The following NTM variants were observed in gnomAD, a reference collection of about 807,000 sequenced individuals.
NTM encodes the protein neurotrimin, also known as IgLON family member 2.
Under a neutral mutation model 42.1 loss-of-function variants are expected in NTM, and 13 were observed. The observed-to-expected ratio is 0.31, with a 90% CI of 0.20 to 0.49. The LOEUF is 0.49. NTM is among the 20% of genes least tolerant of loss of function. The pLI is 0.99. For missense variants in NTM, 373 were observed against 452.8 expected, an observed-to-expected ratio of 0.82 and a Z score of 1.60; for synonymous variants, 187 against 179.2, an observed-to-expected ratio of 1.04 and a Z score of -0.35.
intron 1 of NTM, among the ~76,000 whole-genome samples, chr11:131,599,893 G>A (rs1036860756): frequency 1.3e-5 from 2 of 152,208 alleles, no homozygotes; most frequent in Admixed American, 6.5e-5. Context: ...CTGCCTCCCT[G>A]GGCAGAGTTA....
chr11:132,150,747 A>G (rs970266860), intron 3 of NTM, among the ~76,000 whole-genome samples: 7 of 152,110 alleles, frequency 4.6e-5, no homozygotes, highest in Non-Finnish European at 8.8e-5. Flanking sequence ...GCAGAGTTCG[A>G]GGGTTGGTTA....
chr11:132,223,235 C>T (rs564463025), intron 4 of NTM, among the ~76,000 whole-genome samples: 61 of 152,308 alleles, frequency 4.0e-4, no homozygotes, highest in African/African-American at 1.4e-3. Context: ...AAGCCCTGGC[C>T]TCTCAGAACT....
At position 132,003,860 on chromosome 11, in the gene NTM, G is replaced by A. The variant is rs529147557; in HGVS notation, c.167+92212G>A. Among the ~76,000 whole-genome samples, 1 of 152,180 alleles carries A rather than the reference G, an allele frequency of 6.6e-6. No homozygotes were observed. Reference sequence around the variant, plus strand: ...AATTGATTTCTCACCTAGCCACACAGATTATCTAAAAGGTCAAGATTCTCA... The same window carrying A: ...AATTGATTTCTCACCTAGCCACACAAATTATCTAAAAGGTCAAGATTCTCA... On this transcript the variant is annotated intron_variant, in intron 2 of 8. Coordinates refer to ENST00000683400, the MANE Select transcript of NTM (RefSeq NM_001352005.2). The surrounding 1 kb of genome is among the most constrained non-coding windows in gnomAD (Gnocchi z 6.0).
chr11:132,131,190 C>G (rs894200612), intron 2 of NTM, among the ~76,000 whole-genome samples: 2 of 152,172 alleles, frequency 1.3e-5, no homozygotes, highest in African/African-American at 4.8e-5. Flanking sequence ...GCTATAGATG[C>G]ACGCGTGTTA....
chr11:131,499,681 T>A (rs1240826537), intron 1 of NTM, among the ~76,000 whole-genome samples: 1 of 152,056 alleles, frequency 6.6e-6, no homozygotes, highest in East Asian at 1.9e-4. Flanking sequence ...CACTCACTCC[T>A]CCCCTGCTAA....
At chr11:131,691,281 C>T (rs1259862374) in intron 1 of NTM, among the ~76,000 whole-genome samples, 1 of 152,212 alleles carries the variant, frequency 6.6e-6, no homozygotes, top group Non-Finnish European at 1.5e-5. Flanking sequence ...GCCCAGCAAG[C>T]GCCCCTCTGT....
intron 3 of NTM, among the ~76,000 whole-genome samples, chr11:132,165,488 A>G (rs1383726579): frequency 6.6e-6 from 1 of 152,200 alleles, no homozygotes; most frequent in Non-Finnish European, 1.5e-5. Flanking sequence ...TCACATGGTC[A>G]CAGTAAAATA....
At chr11:131,381,313 G>A (rs1942649469) in intron 1 of NTM, among the ~76,000 whole-genome samples, 1 of 152,180 alleles carries the variant, frequency 6.6e-6, no homozygotes, top group Non-Finnish European at 1.5e-5. Context: ...CTGTCCACTA[G>A]AGTACTTGAC....
intron 4 of NTM, among the ~76,000 whole-genome samples, chr11:132,263,506 C>T (rs541230468): frequency 3.9e-5 from 6 of 152,322 alleles, no homozygotes; most frequent in Non-Finnish European, 5.9e-5. Context: ...GAGTCTGCCA[C>T]GCCCTTAGTG....
rs1195942012 is a variant in NTM at position 131,911,726 on chromosome 11, C to A, written c.167+78C>A. On this transcript the variant is annotated intron_variant, in intron 2 of 8. Transcript: ENST00000683400. ...AGGGGCAGGGGTGCAGGTGTGTGCACTGAGGCGTGCCTGGGTTGGCGGAGA... is the reference window on the plus strand; with the variant it reads ...AGGGGCAGGGGTGCAGGTGTGTGCAATGAGGCGTGCCTGGGTTGGCGGAGA... 21 of 1,566,964 alleles carry A rather than the reference C, an allele frequency of 1.3e-5. No individual in the cohort carries two copies. The East Asian group carries it at 4.3e-4, about 32-fold the overall frequency.
At chr11:131,959,399 G>A (rs962550086) in intron 2 of NTM, among the ~76,000 whole-genome samples, 4 of 152,128 alleles carry the variant, frequency 2.6e-5, no homozygotes, top group African/African-American at 9.7e-5. Flanking sequence ...AGGCCGAGGT[G>A]GGAGGATCAC....
chr11:131,604,816 T>C lies in NTM; in HGVS notation c.82+233928T>C, dbSNP rs187383859. On this transcript the variant is annotated intron_variant, in intron 1 of 8. Coordinates refer to ENST00000683400, the MANE Select transcript of NTM (RefSeq NM_001352005.2). ...CATCAGTTTTTAACAAACTATTCTT[T>C]CTCCCATTGAATTTTCTTGGCACAC... Among the ~76,000 whole-genome samples the C allele has an allele frequency of 2.0e-5, 3 of 151,978 alleles. No homozygotes were observed. The East Asian group carries it at 5.8e-4, about 29-fold the overall frequency.
intron 4 of NTM, among the ~76,000 whole-genome samples, chr11:132,242,519 T>C (rs1228070272): frequency 1.3e-5 from 2 of 152,214 alleles, no homozygotes; most frequent in Non-Finnish European, 2.9e-5. Context: ...TTTTCTTCTA[T>C]CCTGGTTATC....
chr11:132,260,090 G>A (rs1028290989), intron 4 of NTM, among the ~76,000 whole-genome samples: 8 of 152,132 alleles, frequency 5.3e-5, no homozygotes, highest in Admixed American at 5.2e-4. Flanking sequence ...GGGAAACAAG[G>A]GAGGAGGAGG....
chr11:132,071,661 G>T (rs972224592), intron 2 of NTM, among the ~76,000 whole-genome samples: 1 of 152,184 alleles, frequency 6.6e-6, no homozygotes, highest in Non-Finnish European at 1.5e-5. Flanking sequence ...CTCAGCTGGG[G>T]CTGGTGGACC....
intron 1 of NTM, among the ~76,000 whole-genome samples, chr11:131,450,419 C>G (rs186871877): frequency 1.3e-5 from 2 of 152,148 alleles, no homozygotes; most frequent in African/African-American, 4.8e-5. Flanking sequence ...GTCACTTCTC[C>G]CTGAGCCCAT....
chr11:131,461,288 G>A (rs552201826), intron 1 of NTM, among the ~76,000 whole-genome samples: 4 of 152,308 alleles, frequency 2.6e-5, no homozygotes, highest in Admixed American at 2.6e-4. Context: ...CTACTACTCA[G>A]CAGATTGGGT....
At chr11:132,060,214 G>A (rs1450911192) in intron 2 of NTM, among the ~76,000 whole-genome samples, 1 of 152,132 alleles carries the variant, frequency 6.6e-6, no homozygotes, top group Non-Finnish European at 1.5e-5. Flanking sequence ...CCACCCCCTG[G>A]GCTTCGTTCT....
At chr11:132,097,298 C>T (rs1390848262) in intron 2 of NTM, among the ~76,000 whole-genome samples, 2 of 152,176 alleles carry the variant, frequency 1.3e-5, no homozygotes, top group East Asian at 3.9e-4. Context: ...GTGTGATTGA[C>T]CTGGTCGAGT....
Sources: gnomAD v4.1 joint callset for allele counts (sites outside exome capture counted in the v4.1 genomes callset) on GRCh38, gnomAD v4.1.1 for gene constraint, Gnocchi (gnomAD v3.1) non-coding constraint, MANE v1.5 for transcripts, NCBI Gene and HGNC (gene_info 2026-07-23, HGNC 2026-07-21) for gene names.